Variants in CLTA observed in about 807,000 individuals in gnomAD.
CLTA encodes the protein clathrin, light polypeptide (Lca).
In CLTA, 9 loss-of-function variants were observed where a neutral mutation model predicts 26.9. The observed-to-expected ratio is 0.33, with a 90% CI of 0.20 to 0.58. CLTA has a LOEUF of 0.58. Ranked by LOEUF, CLTA falls within the 20% of genes least tolerant of loss-of-function variation. The probability of loss-of-function intolerance (pLI) is 0.85; values close to 1 mark genes in which losing one functional copy is unlikely to be tolerated. For synonymous variants in CLTA, 120 were observed against 115.5 expected, an observed-to-expected ratio of 1.04 and a Z score of -0.25; for missense variants, 278 against 294.2, an observed-to-expected ratio of 0.94 and a Z score of 0.40.
At chr9:36,210,729 G>T in intron 4 of CLTA, 2 of 1,586,140 alleles carry the variant, frequency 1.3e-6, no homozygotes, top group Non-Finnish European at 8.7e-7. Flanking sequence ...AGTGGCTCTG[G>T]GCTTCAGCGG....
chr9:36,195,284 A>G (rs1826957879), intron 1 of CLTA, among the ~76,000 whole-genome samples: 1 of 152,244 alleles, frequency 6.6e-6, no homozygotes, highest in Non-Finnish European at 1.5e-5. Context: ...AAAGTCGATC[A>G]TGTCTACATA....
intron 4 of CLTA, 147 bp from the exon 5 acceptor site, chr9:36,211,456 C>T: frequency 1.9e-6 from 2 of 1,053,214 alleles, no homozygotes; most frequent in South Asian, 1.7e-5. Flanking sequence ...CTACCTGAGT[C>T]TGACCTGGGC....
chr9:36,207,887 AGCCT>A (rs1326663963), intron 4 of CLTA, among the ~76,000 whole-genome samples: 1 of 152,212 alleles, frequency 6.6e-6, no homozygotes, highest in East Asian at 1.9e-4. Flanking sequence ...TTTATAAGCC[AGCCT>A]GCCTTGCCTT....
In CLTA at chr9:36,191,254, C is replaced by T. The variant is rs937526849; in HGVS notation, c.198C>T (p.Gly66=). The T allele has an allele frequency of 3.9e-6, 6 of 1,529,306 alleles. 2 individuals are homozygous for T. The Admixed American group carries it at 1.3e-4, about 32-fold the overall frequency. The allele number at this position is 1,529,306 out of a possible 1,614,324, so 94.7% of individuals were successfully genotyped here. A position where few individuals can be genotyped will look rare whatever the true frequency, so the allele number is the denominator to read the frequency against. ...GCGCCCCCGGGCCCCAGCCGCACGG[C>T]GAGCCGCCGGGGGGTCCGGGTGAGA... The part of the protein sequence containing the change: ...DGGAPGPQPH[G]EPPGGPDAVD... The change falls in exon 1 of 5, where the codon GGC becomes GGT. Residue 66 remains glycine (G), a synonymous_variant. Coordinates refer to ENST00000345519, the MANE Select transcript of CLTA (RefSeq NM_001833.4).
At position 36,205,209 on chromosome 9, in the gene CLTA, TG is replaced by T. The variant is rs532495550; in HGVS notation, c.485+1032del. ...TGGATTCCGGCTTGAGCCTGTGTCC[TG>T]GTCACTTTCCTCTGGGGGCGGTGTG... On this transcript the variant is annotated intron_variant, in intron 4 of 4. Coordinates refer to ENST00000345519, the MANE Select transcript of CLTA (RefSeq NM_001833.4). Among the ~76,000 whole-genome samples the T allele has an allele frequency of 7.9e-5, 12 of 152,304 alleles. No individual in the cohort carries two copies. The East Asian group carries it at 2.3e-3, about 29-fold the overall frequency.
At chr9:36,197,068 TG>T (rs1827094540) in intron 1 of CLTA, among the ~76,000 whole-genome samples, 1 of 152,074 alleles carries the variant, frequency 6.6e-6, no homozygotes, top group Admixed American at 6.6e-5. Flanking sequence ...CCAGCTCCTG[TG>T]GGGACTGAGG....
intron 1 of CLTA, among the ~76,000 whole-genome samples, chr9:36,197,113 T>A (rs978949013): frequency 6.6e-6 from 1 of 152,210 alleles, no homozygotes; most frequent in Non-Finnish European, 1.5e-5. Context: ...AGGTCGAGGC[T>A]ACAGTAAGCC....
In CLTA at chr9:36,198,966, G is replaced by GT; in HGVS notation, c.256-9dup. On this transcript the variant is annotated splice_polypyrimidine_tract_variant and intron_variant, in intron 2 of 4. Transcript: ENST00000345519. Reference sequence around the variant, plus strand: ...TTTGGTATTAATATAGCACAATTGTGTTTTGTGTTAAGGAAAGTAATGGTC... The same window carrying GT: ...TTTGGTATTAATATAGCACAATTGTGTTTTTGTGTTAAGGAAAGTAATGGTC... 2 of 1,573,994 alleles carry GT rather than the reference G, an allele frequency of 1.3e-6. No homozygotes were observed. Among genetic ancestry groups the GT allele is most frequent in the Non-Finnish European group, 1.7e-6 (2 of 1,144,420 alleles).
chr9:36,200,128 G>A (rs1827318111), intron 3 of CLTA, among the ~76,000 whole-genome samples: 1 of 152,214 alleles, frequency 6.6e-6, no homozygotes, highest in South Asian at 2.1e-4. Flanking sequence ...TCTGTACATG[G>A]TGGATTGGAG....
At chr9:36,191,635 A>G (rs903265557) in intron 1 of CLTA, among the ~76,000 whole-genome samples, 32 of 152,230 alleles carry the variant, frequency 2.1e-4, no homozygotes, top group Non-Finnish European at 4.1e-4. Context: ...TTATAAGCTT[A>G]TAAGTCTGAG....
At chr9:36,201,339 A>G (rs907902560) in intron 3 of CLTA, among the ~76,000 whole-genome samples, 7 of 152,122 alleles carry the variant, frequency 4.6e-5, no homozygotes, top group Non-Finnish European at 8.8e-5. Flanking sequence ...TTCTCAAGTA[A>G]TTTTCTTTTC....
Position 36,191,207 on chromosome 9 carries a change from G to A in CLTA, c.151G>A (p.Ala51Thr). ...GATTGCGGGCATCGAGAACGACGAG[G>A]CCTTCGCCATCCTGGACGGCGGCGC... ...SEIAGIENDEAFAILDGGAPG... is the reference protein window; with the variant it reads ...SEIAGIENDETFAILDGGAPG... The change falls in exon 1 of 5, where the codon GCC (alanine) becomes ACC (threonine). Residue 51 changes from alanine to threonine, a missense_variant. Ala to Thr is a moderately conservative substitution (Grantham distance 58). Transcript: ENST00000345519. 1 of 1,567,206 alleles carries A rather than the reference G, an allele frequency of 6.4e-7. No homozygotes were observed. The highest frequency in any genetic ancestry group is 8.6e-7 in the Non-Finnish European group (1 of 1,160,164).
At chr9:36,209,283 T>C (rs1389120626) in intron 4 of CLTA, 12 of 1,614,092 alleles carry the variant, frequency 7.4e-6, no homozygotes, top group Non-Finnish European at 1.0e-5. Flanking sequence ...AGATGAAGCT[T>C]TCTACAAACA....
At chr9:36,210,562 A>T in intron 4 of CLTA, 1 of 1,612,898 alleles carries the variant, frequency 6.2e-7, no homozygotes, top group Non-Finnish European at 8.5e-7. Flanking sequence ...CATTGAGCTC[A>T]TTCTCATTTT....
chr9:36,192,189 G>C (rs940497032), intron 1 of CLTA, among the ~76,000 whole-genome samples: 1 of 152,186 alleles, frequency 6.6e-6, no homozygotes, highest in African/African-American at 2.4e-5. Flanking sequence ...AACTAAGGGA[G>C]AATAGGGCAC....
intron 1 of CLTA, among the ~76,000 whole-genome samples, chr9:36,196,130 A>T (rs1367209623): frequency 2.6e-5 from 4 of 151,712 alleles, no homozygotes; most frequent in Non-Finnish European, 1.5e-5. Context: ...TACAAAAAAA[A>T]TTAGGTGGGC....
chr9:36,197,442 T>G, intron 1 of CLTA, 109 bp from the exon 2 acceptor site: 1 of 691,218 alleles, frequency 1.4e-6, no homozygotes, highest in Non-Finnish European at 2.5e-6. Flanking sequence ...GGGATAGCAT[T>G]TAGTAGCTCA....
chr9:36,191,717 T>G (rs1225846000), intron 1 of CLTA, among the ~76,000 whole-genome samples: 2 of 152,184 alleles, frequency 1.3e-5, no homozygotes, highest in Non-Finnish European at 2.9e-5. Flanking sequence ...TTTTGAGAGA[T>G]ACAAACAAAA....
chr9:36,210,898 G>T (rs1365243110), intron 4 of CLTA, among the ~76,000 whole-genome samples: 1 of 152,176 alleles, frequency 6.6e-6, no homozygotes, highest in Non-Finnish European at 1.5e-5. Context: ...AGTTAATTCC[G>T]AACTGGGGGT....
Sources: allele counts gnomAD v4.1 joint callset (sites outside exome capture counted in the v4.1 genomes callset), GRCh38; gene constraint gnomAD v4.1.1; transcripts MANE v1.5; gene names NCBI Gene and HGNC (gene_info 2026-07-23, HGNC 2026-07-21).